Variants in EZH1 observed in about 807,000 individuals in gnomAD.
EZH1 encodes enhancer of zeste 1 polycomb repressive complex 2 subunit.
Under a neutral mutation model 100.5 loss-of-function variants are expected in EZH1, and 33 were observed. The ratio of observed to expected loss-of-function variants is 0.33; its 90% CI spans 0.25 to 0.44. The LOEUF (loss-of-function observed/expected upper bound fraction) is 0.44. Among genes scored for constraint, EZH1 ranks in the 20% least tolerant of loss-of-function variants. EZH1 has a pLI of 1.00. For synonymous variants in EZH1, 272 were observed against 313.8 expected (o/e 0.87, Z 1.41); for missense variants, 475 against 928.4 (o/e 0.51, Z 6.35).
At chr17:42,716,495 G>A (rs1260316647) in intron 10 of EZH1, among the ~76,000 whole-genome samples, 5 of 152,054 alleles carry the variant, frequency 3.3e-5, no homozygotes, top group Admixed American at 2.6e-4. Context: ...AACCTAAAAC[G>A]CAATAAAAGA....
chr17:42,725,129 T>TG (rs768832190), intron 4 of EZH1, among the ~76,000 whole-genome samples: 1 of 152,060 alleles, frequency 6.6e-6, no homozygotes, highest in Non-Finnish European at 1.5e-5. Context: ...ATCACGCCAC[T>TG]GCACTCCAGC....
Position 42,720,310 on chromosome 17 carries a change from C to A in EZH1, c.627G>T (p.Leu209=). 1 of 1,614,032 alleles carries A rather than the reference C, an allele frequency of 6.2e-7. No homozygotes were observed. Among genetic ancestry groups the A allele is most frequent in the Non-Finnish European group, 8.5e-7 (1 of 1,179,980 alleles). ...DGKQDDSKED[L]PVTRKRKRHA... Reference sequence around the variant, plus strand: ...GTCGCTTTCTCTTTCTTGTTACTGGCAGATCTTCTTTGCTGTCATCCTGCT... The same window carrying A: ...GTCGCTTTCTCTTTCTTGTTACTGGAAGATCTTCTTTGCTGTCATCCTGCT... The change falls in exon 7 of 21, where the codon CTG becomes CTT. Residue 209 remains leucine (L), a synonymous_variant. Coordinates refer to ENST00000428826, the MANE Select transcript of EZH1 (RefSeq NM_001991.5).
At chr17:42,725,062 G>A (rs1260976914) in intron 4 of EZH1, among the ~76,000 whole-genome samples, 1 of 151,694 alleles carries the variant, frequency 6.6e-6, no homozygotes, top group African/African-American at 2.4e-5. Context: ...AGCTACTCGG[G>A]AGGCTGAGGC....
rs375952571 is a variant in EZH1, at chr17:42,708,988, G to A, written c.1494-72C>T. 40 of 1,562,332 alleles carry A rather than the reference G, an allele frequency of 2.6e-5. 1 individual carries two copies. The African/African-American group carries it at 3.2e-4, about 13-fold the overall frequency. On this transcript the variant is annotated intron_variant, in intron 13 of 20. Coordinates refer to ENST00000428826, the MANE Select transcript of EZH1 (RefSeq NM_001991.5). ...TCTGCAAATGCAGGTAAATGACAAC[G>A]TGACTTGCTCTGAGGGACTGTGTTT...
Position 42,700,906 on chromosome 17 carries a change from G to C in EZH1, c.*1626C>G, listed in dbSNP as rs1187662244. On this transcript the variant is annotated 3_prime_UTR_variant, in exon 21 of 21. Coordinates refer to ENST00000428826, the MANE Select transcript of EZH1 (RefSeq NM_001991.5). ...CAAACCGTAAGAGGCAGCTGGGTCA[G>C]GAGGAACCCCACTTCTTCCTTCATG... 1 of 152,436 alleles carries C rather than the reference G, an allele frequency of 6.6e-6. No individual in the cohort carries two copies. Among genetic ancestry groups the C allele is most frequent in the East Asian group, 1.9e-4 (1 of 5,330 alleles). 9.4% of individuals were successfully genotyped at this position (152,436 alleles called of 1,614,324 possible).
At position 42,713,288 on chromosome 17, in the gene EZH1, G is replaced by A; in HGVS notation, c.1125C>T (p.Ala375=). 4 of 1,614,120 alleles carry A rather than the reference G, an allele frequency of 2.5e-6. No individual in the cohort carries two copies. The highest frequency in any genetic ancestry group is 1.1e-5 in the South Asian group (1 of 91,072). Residue 375 remains alanine, a synonymous_variant, in exon 11 of 21, where the codon GCC becomes GCT. Coordinates refer to ENST00000428826, the MANE Select transcript of EZH1 (RefSeq NM_001991.5). The stretch of plus-strand genomic sequence containing the variant: ...TAGTCTCAGCCACAGCAGAGGCTGA[G>A]GCATTGGAGCAGGAAGCACTGACTA... The part of the protein sequence containing the change: ...HHIVSASCSN[A]SASAVAETKE...
In EZH1 at chr17:42,701,720, C is replaced by T. The variant is rs1015970992; in HGVS notation, c.*812G>A. 3 of 152,558 alleles carry T rather than the reference C, an allele frequency of 2.0e-5. No individual in the cohort carries two copies. Among genetic ancestry groups the T allele is most frequent in the African/African-American group, 7.2e-5 (3 of 41,452 alleles). The allele number at this position is 152,558 out of a possible 1,614,324, so 9.5% of individuals were successfully genotyped here. A position where few individuals can be genotyped will look rare whatever the true frequency, so the allele number is the denominator to read the frequency against. ...GCAGCATAATGCTTGCCTGCAGCTGCTAAGCCAGAACTTTGGAGGAGCTGG... is the reference window on the plus strand; with the variant it reads ...GCAGCATAATGCTTGCCTGCAGCTGTTAAGCCAGAACTTTGGAGGAGCTGG... On this transcript the variant is annotated 3_prime_UTR_variant, in exon 21 of 21. Transcript: ENST00000428826.
At chr17:42,729,497 G>A (rs1394015718) in intron 2 of EZH1, among the ~76,000 whole-genome samples, 1 of 152,036 alleles carries the variant, frequency 6.6e-6, no homozygotes, top group African/African-American at 2.4e-5. Flanking sequence ...GGGAGGCCAA[G>A]GTGGGTGGAT....
In EZH1 at chr17:42,719,049, A is replaced by G. The variant is rs73983753; in HGVS notation, c.767+56T>C. On this transcript the variant is annotated intron_variant, in intron 8 of 20. Transcript: ENST00000428826. ...TTTACTAACCAAAAATTAGGAGGGAATAAAGGTTTTGTCCGAGCACTCTGT... is the reference window on the plus strand; with the variant it reads ...TTTACTAACCAAAAATTAGGAGGGAGTAAAGGTTTTGTCCGAGCACTCTGT... 7.6e-4 allele frequency: 1,019 copies of G among 1,332,390 alleles called. 11 individuals carry two copies. In the African/African-American group the frequency reaches 0.013, roughly 18 times the overall value. 82.5% of individuals were successfully genotyped at this position (1,332,390 alleles called of 1,614,324 possible).
chr17:42,732,548 G>A (rs1199900510), intron 1 of EZH1, among the ~76,000 whole-genome samples: 3 of 151,736 alleles, frequency 2.0e-5, no homozygotes, highest in Non-Finnish European at 4.4e-5. Context: ...GCGGGCAGAT[G>A]ATGAGGTCAG....
chr17:42,715,529 G>A (rs1425122575), intron 10 of EZH1, among the ~76,000 whole-genome samples: 1 of 151,788 alleles, frequency 6.6e-6, no homozygotes, highest in Non-Finnish European at 1.5e-5. Context: ...TTACAGGCGT[G>A]AGCCACCATT....
intron 15 of EZH1, 59 bp downstream of exon 15, chr17:42,707,899 C>A: frequency 6.2e-7 from 1 of 1,609,464 alleles, no homozygotes; most frequent in South Asian, 1.1e-5. Flanking sequence ...TGGGGCAAGC[C>A]TAGGGCACAC....
chr17:42,702,817 C>T, intron 20 of EZH1, 60 bp downstream of exon 20: 1 of 1,573,530 alleles, frequency 6.4e-7, no homozygotes, highest in Non-Finnish European at 8.7e-7. Flanking sequence ...CAAATCTATT[C>T]CAACAGCCAC....
intron 12 of EZH1, 76 bp downstream of exon 12, chr17:42,712,213 G>A: frequency 5.5e-6 from 8 of 1,462,428 alleles, no homozygotes; most frequent in Non-Finnish European, 5.6e-6. Flanking sequence ...CACACAGCCT[G>A]GTAAGATGGC....
chr17:42,739,817 G>T (rs62078426), intron 1 of EZH1, among the ~76,000 whole-genome samples: 90,450 of 150,562 alleles, frequency 0.6, 28,708 homozygotes, highest in African/African-American at 0.83. Context: ...AGAGTCTCGC[G>T]CTGTCGCCCA....
At chr17:42,705,945 G>A (rs1194345127) in intron 16 of EZH1, 62 bp downstream of exon 16, 2 of 1,461,002 alleles carry the variant, frequency 1.4e-6, no homozygotes, top group Non-Finnish European at 9.2e-7. Context: ...GAGAATGCTT[G>A]GGACCGTTCC....
intron 11 of EZH1, 117 bp from the exon 12 acceptor site, chr17:42,712,602 A>C (rs532011240): frequency 1.9e-6 from 2 of 1,050,622 alleles, no homozygotes; most frequent in Non-Finnish European, 2.8e-6. Flanking sequence ...GTTAGGAATG[A>C]AAATATTCCC....
At chr17:42,726,147 G>T (rs1001994267) in intron 4 of EZH1, among the ~76,000 whole-genome samples, 2 of 150,244 alleles carry the variant, frequency 1.3e-5, no homozygotes, top group African/African-American at 4.9e-5. Flanking sequence ...TAAAAGTGCT[G>T]GGATTACAGG....
At chr17:42,713,074 CTTTACTG>C (rs1597833191) in intron 11 of EZH1, 128 bp downstream of exon 11, 5 of 509,578 alleles carry the variant, frequency 9.8e-6, no homozygotes, top group Non-Finnish European at 1.3e-5. Flanking sequence ...TATTCCCCAT[CTTTACTG>C]TTTACAAAAC....
Sources: allele counts gnomAD v4.1 joint callset (sites outside exome capture counted in the v4.1 genomes callset), GRCh38; gene constraint gnomAD v4.1.1; transcripts MANE v1.5; gene names NCBI Gene and HGNC (gene_info 2026-07-23, HGNC 2026-07-21).